Variants in CDH7 observed in about 807,000 individuals in gnomAD.
The protein encoded by CDH7 is cadherin-7.
In CDH7, 25 loss-of-function variants were observed where a neutral mutation model predicts 71.8. That is an observed-to-expected ratio of 0.35 (90% confidence interval 0.25 to 0.49). The LOEUF (loss-of-function observed/expected upper bound fraction) is 0.49, where lower values mean the gene tolerates loss of function less well. Ranked by LOEUF, CDH7 falls within the 20% of genes least tolerant of loss-of-function variation. The pLI is 0.99. For missense variants in CDH7, 862 were observed against 974.6 expected (o/e 0.88, Z 1.54); for synonymous variants, 381 against 363.8 (o/e 1.05, Z -0.54).
chr18:65,808,435 C>T (rs1196335087), intron 2 of CDH7, among the ~76,000 whole-genome samples: 4 of 152,128 alleles, frequency 2.6e-5, no homozygotes, highest in Admixed American at 1.3e-4. Flanking sequence ...GCTTAGGATC[C>T]ACTAGATAAT....
At chr18:65,771,157 A>G (rs779067022) in intron 2 of CDH7, among the ~76,000 whole-genome samples, 1 of 152,102 alleles carries the variant, frequency 6.6e-6, no homozygotes. Flanking sequence ...ATACCTACAA[A>G]TCAGTCACAT....
At chr18:65,812,001 A>G (rs7236323) in intron 3 of CDH7, among the ~76,000 whole-genome samples, 125,053 of 129,922 alleles carry the variant, frequency 0.96, 60,376 homozygotes, top group East Asian at 1. Context: ...ATGGAGTCTC[A>G]CTCTGTTGAC....
At chr18:65,837,576 T>G (rs1912574582) in intron 6 of CDH7, among the ~76,000 whole-genome samples, 2 of 152,042 alleles carry the variant, frequency 1.3e-5, no homozygotes, top group Admixed American at 1.3e-4. Context: ...GTAATAAAAG[T>G]GTCAAGAGGA....
intron 2 of CDH7, among the ~76,000 whole-genome samples, chr18:65,791,202 G>A (rs1409806713): frequency 6.6e-6 from 1 of 152,162 alleles, no homozygotes; most frequent in African/African-American, 2.4e-5. Flanking sequence ...TGAAACATCA[G>A]AGAGTACATG....
In CDH7 at chr18:65,840,088, C is replaced by A. The variant is rs190508882; in HGVS notation, c.982-3724C>A. ...TTTCATGTGGCAGAGAATGTACTCC[C>A]TGCCAAGTCTAATAGTCACTAATAT... On this transcript the variant is annotated intron_variant, in intron 6 of 11. Coordinates refer to ENST00000397968, the MANE Select transcript of CDH7 (RefSeq NM_004361.5). 2.6e-3 allele frequency among the ~76,000 whole-genome samples: 392 copies of A among 152,304 alleles called. 2 individuals carry two copies. Among genetic ancestry groups the A allele is most frequent in the Non-Finnish European group, 4.6e-3 (316 of 68,028 alleles).
intron 2 of CDH7, among the ~76,000 whole-genome samples, chr18:65,781,305 TTA>T (rs1338485003): frequency 5.9e-5 from 9 of 152,164 alleles, no homozygotes; most frequent in Non-Finnish European, 1.3e-4. Flanking sequence ...ATATTTAATT[TTA>T]TGTCAACCAC....
chr18:65,864,489 G>A (rs775889854), intron 11 of CDH7, among the ~76,000 whole-genome samples: 1 of 151,230 alleles, frequency 6.6e-6, no homozygotes, highest in Non-Finnish European at 1.5e-5. Context: ...ATGTGGTGCA[G>A]GGAGGCCAAA....
intron 11 of CDH7, among the ~76,000 whole-genome samples, chr18:65,876,676 T>C (rs1272488071): frequency 6.6e-6 from 1 of 152,208 alleles, no homozygotes; most frequent in Admixed American, 6.5e-5. Flanking sequence ...CATGTGTCCC[T>C]CTTTTGGAGT....
intron 1 of CDH7, among the ~76,000 whole-genome samples, chr18:65,758,013 G>T (rs1229176436): frequency 6.6e-6 from 1 of 152,106 alleles, no homozygotes; most frequent in Non-Finnish European, 1.5e-5. Flanking sequence ...GATTTGTGAG[G>T]CAATATTTAA....
intron 5 of CDH7, among the ~76,000 whole-genome samples, chr18:65,823,026 A>G (rs1911993274): frequency 6.6e-6 from 1 of 151,914 alleles, no homozygotes; most frequent in Non-Finnish European, 1.5e-5. Context: ...ATGTCTGTAC[A>G]ATGTCTCTAA....
intron 5 of CDH7, 63 bp from the exon 6 acceptor site, chr18:65,824,581 A>C: frequency 1.9e-6 from 2 of 1,076,262 alleles, no homozygotes; most frequent in Non-Finnish European, 2.6e-6. Flanking sequence ...AAATAACCCA[A>C]TATTTAAATT....
intron 5 of CDH7, among the ~76,000 whole-genome samples, chr18:65,823,686 T>G (rs997216292): frequency 6.6e-6 from 1 of 151,912 alleles, no homozygotes. Flanking sequence ...TCTAGAAAAT[T>G]GCGAACAAGT....
At chr18:65,851,078 A>G (rs1165036117) in intron 7 of CDH7, among the ~76,000 whole-genome samples, 1 of 146,834 alleles carries the variant, frequency 6.8e-6, no homozygotes, top group East Asian at 2.2e-4. Context: ...TGCTGGGATT[A>G]CAGGCATGAG....
chr18:65,863,019 T>A (rs1326603439), intron 11 of CDH7, 102 bp downstream of exon 11: 4 of 1,267,524 alleles, frequency 3.2e-6, no homozygotes, highest in Non-Finnish European at 4.5e-6. Flanking sequence ...ATGCAGATAT[T>A]CTACTGGATG....
At position 65,888,218 on chromosome 18, in the gene CDH7, C is replaced by T. The variant is rs1914421553; in HGVS notation, c.*7324C>T. 6.6e-6 allele frequency: 1 copy of T among 152,066 alleles called. No individual in the cohort carries two copies. Among genetic ancestry groups the T allele is most frequent in the African/African-American group, 2.4e-5 (1 of 41,414 alleles). The allele number at this position is 152,066 out of a possible 1,614,324, so 9.4% of individuals were successfully genotyped here. On this transcript the variant is annotated 3_prime_UTR_variant, in exon 12 of 12. Transcript: ENST00000397968. The stretch of plus-strand genomic sequence containing the variant: ...GAAAGAGTACTGTTTCAGAACTAAC[C>T]AGCGAAGAGATGTATACAAAGTGTA...
Position 65,798,408 on chromosome 18 carries a change from G to A in CDH7, c.211-11296G>A, listed in dbSNP as rs573081591. On this transcript the variant is annotated intron_variant, in intron 2 of 11. Transcript: ENST00000397968. ...CCCCTCTGTCACCTGTGCCTCTGAAGGAGAGAGCATGGTATGCATGAGTAC... is the reference window on the plus strand; with the variant it reads ...CCCCTCTGTCACCTGTGCCTCTGAAAGAGAGAGCATGGTATGCATGAGTAC... Among the ~76,000 whole-genome samples the A allele has an allele frequency of 4.6e-5, 7 of 152,306 alleles. No individual in the cohort carries two copies. The East Asian group carries it at 5.8e-4, about 13-fold the overall frequency.
At chr18:65,774,078 A>C (rs918221303) in intron 2 of CDH7, among the ~76,000 whole-genome samples, 1 of 152,162 alleles carries the variant, frequency 6.6e-6, no homozygotes, top group Non-Finnish European at 1.5e-5. Flanking sequence ...GAACCTCAAT[A>C]ATCTGTGATA....
Position 65,799,459 on chromosome 18 carries a change from C to T in CDH7, c.211-10245C>T, listed in dbSNP as rs554703685. Among the ~76,000 whole-genome samples, 5 of 152,108 alleles carry T rather than the reference C, an allele frequency of 3.3e-5. No individual in the cohort carries two copies. The East Asian group carries it at 5.8e-4, about 18-fold the overall frequency. Reference sequence around the variant, plus strand: ...TTGGGAGGCCGAGGTGGGCGGATCACGAGGTCAGGAGATCGAGACCATCCT... The same window carrying T: ...TTGGGAGGCCGAGGTGGGCGGATCATGAGGTCAGGAGATCGAGACCATCCT... On this transcript the variant is annotated intron_variant, in intron 2 of 11. Transcript: ENST00000397968.
chr18:65,762,763 G>C lies in CDH7; in HGVS notation c.-80G>C. ...AGCTGACACCCTGCCGGAGGCAAGA[G>C]CTACTAAGCCAACTGGAACTGTGCC... On this transcript the variant is annotated 5_prime_UTR_variant, in exon 2 of 12. Coordinates refer to ENST00000397968, the MANE Select transcript of CDH7 (RefSeq NM_004361.5). 1.7e-6 allele frequency: 2 copies of C among 1,201,166 alleles called. No homozygotes were observed. Among genetic ancestry groups the C allele is most frequent in the Non-Finnish European group, 2.3e-6 (2 of 858,182 alleles). The allele number at this position is 1,201,166 out of a possible 1,614,324, so 74.4% of individuals were successfully genotyped here.
Sources: allele counts gnomAD v4.1 joint callset (sites outside exome capture counted in the v4.1 genomes callset), GRCh38; gene constraint gnomAD v4.1.1; transcripts MANE v1.5; gene names NCBI Gene and HGNC (gene_info 2026-07-23, HGNC 2026-07-21).